Variants in NRXN3 observed in about 807,000 individuals in gnomAD.
NRXN3 encodes neurexin 3.
Under a neutral mutation model 137.6 loss-of-function variants are expected in NRXN3, and 32 were observed. The observed-to-expected ratio is 0.23, with a 90% confidence interval of 0.18 to 0.31. The LOEUF (loss-of-function observed/expected upper bound fraction) is 0.31. NRXN3 is among the 10% of genes least tolerant of loss of function. The probability of loss-of-function intolerance (pLI) is 1.00; values close to 1 mark genes in which losing one functional copy is unlikely to be tolerated. For synonymous variants in NRXN3, 798 were observed against 784.5 expected, an observed-to-expected ratio of 1.02 and a Z score of -0.29; for missense variants, 1,574 against 2,062.5, an observed-to-expected ratio of 0.76 and a Z score of 4.59.
At chr14:79,355,445 G>A (rs893745176) in intron 15 of NRXN3, among the ~76,000 whole-genome samples, 3 of 152,052 alleles carry the variant, frequency 2.0e-5, no homozygotes, top group Non-Finnish European at 2.9e-5. Flanking sequence ...ATTGTTCCTC[G>A]GCTCCGCATT....
chr14:79,496,727 A>G (rs2096771348), intron 16 of NRXN3, among the ~76,000 whole-genome samples: 1 of 152,214 alleles, frequency 6.6e-6, no homozygotes, highest in South Asian at 2.1e-4. Context: ...TTTGTTTACT[A>G]GATTGACTAT....
At chr14:79,794,832 C>T (rs1568277418) in intron 19 of NRXN3, among the ~76,000 whole-genome samples, 1 of 152,190 alleles carries the variant, frequency 6.6e-6, no homozygotes, top group South Asian at 2.1e-4. Flanking sequence ...GCCATTGGGG[C>T]ATCAGGAACA....
At chr14:78,694,428 A>G (rs1186458693) in intron 6 of NRXN3, among the ~76,000 whole-genome samples, 1 of 151,964 alleles carries the variant, frequency 6.6e-6, no homozygotes, top group Non-Finnish European at 1.5e-5. Flanking sequence ...TAGTTGATCA[A>G]TAAGTAGTGT....
intron 15 of NRXN3, among the ~76,000 whole-genome samples, chr14:79,333,223 G>A (rs180858333): frequency 6.6e-6 from 1 of 152,142 alleles, no homozygotes; most frequent in East Asian, 1.9e-4. Context: ...CACACTGGGG[G>A]GATAGAGACT....
chr14:78,759,509 C>T (rs2098683673), intron 8 of NRXN3, among the ~76,000 whole-genome samples: 1 of 152,140 alleles, frequency 6.6e-6, no homozygotes, highest in Non-Finnish European at 1.5e-5. Context: ...TGAGTTCTGT[C>T]ATTCAGTCTT....
rs117241167 is a variant in NRXN3 at position 78,994,184 on chromosome 14, A to G, written c.3262+6043A>G. On this transcript the variant is annotated intron_variant, in intron 15 of 20. Coordinates refer to ENST00000335750, the MANE Select transcript of NRXN3 (RefSeq NM_001330195.2). ...GAAAATTTACAAGTAGGTTCAAAGC[A>G]AACATGGTATGGAAGAGGGCTGGAA... is the stretch of plus-strand genomic sequence containing the variant. 8.8e-3 allele frequency among the ~76,000 whole-genome samples: 1,334 copies of G among 152,176 alleles called. 10 individuals are homozygous for G. Among genetic ancestry groups the G allele is most frequent in the Middle Eastern group, 0.017 (5 of 294 alleles).
chr14:78,600,789 A>G (rs1185913888), intron 4 of NRXN3, among the ~76,000 whole-genome samples: 1 of 152,182 alleles, frequency 6.6e-6, no homozygotes. Context: ...ACAAACATCT[A>G]AACCTGAATT....
intron 4 of NRXN3, among the ~76,000 whole-genome samples, chr14:78,455,882 G>A (rs905948672): frequency 6.6e-6 from 1 of 152,112 alleles, no homozygotes; most frequent in Non-Finnish European, 1.5e-5. Flanking sequence ...CCAAATTCCA[G>A]ACTTTGCTCT....
chr14:79,726,199 C>T (rs2098888169), intron 19 of NRXN3, among the ~76,000 whole-genome samples: 1 of 152,144 alleles, frequency 6.6e-6, no homozygotes, highest in Non-Finnish European at 1.5e-5. Context: ...AATGAAAAGT[C>T]AGTCATGTGA....
rs573988525 is a variant in NRXN3 at position 78,281,051 on chromosome 14, C to T, written c.727+2389C>T. ...GATCTTGTGCTCTTCATTCTTTCCT[C>T]GAAGTGTCAAGGGCTGATTACCAAT... On this transcript the variant is annotated intron_variant, in intron 3 of 20. Coordinates refer to ENST00000335750, the MANE Select transcript of NRXN3 (RefSeq NM_001330195.2). Among the ~76,000 whole-genome samples the T allele has an allele frequency of 2.0e-5, 3 of 152,312 alleles. No homozygotes were observed. In the South Asian group the frequency reaches 6.2e-4, roughly 32 times the overall value.
At chr14:78,572,410 T>C (rs1371659158) in intron 4 of NRXN3, among the ~76,000 whole-genome samples, 1 of 152,218 alleles carries the variant, frequency 6.6e-6, no homozygotes, top group Non-Finnish European at 1.5e-5. Context: ...TGTGTCGAGA[T>C]GCCAGGGCCC....
At chr14:79,169,246 A>C (rs946366942) in intron 15 of NRXN3, among the ~76,000 whole-genome samples, 3 of 152,100 alleles carry the variant, frequency 2.0e-5, no homozygotes, top group African/African-American at 7.2e-5. Flanking sequence ...AGAATGCTAC[A>C]TGCTCCCAGC....
At chr14:78,944,639 G>A (rs1050987343) in intron 10 of NRXN3, among the ~76,000 whole-genome samples, 1 of 152,172 alleles carries the variant, frequency 6.6e-6, no homozygotes, top group Non-Finnish European at 1.5e-5. Context: ...TGTAAGCCAA[G>A]GAATATCAAG....
At chr14:79,094,349 C>G (rs2049832219) in intron 15 of NRXN3, among the ~76,000 whole-genome samples, 1 of 152,162 alleles carries the variant, frequency 6.6e-6, no homozygotes, top group African/African-American at 2.4e-5. Flanking sequence ...GACCACAAAG[C>G]ATAAGCATCC....
rs142952950 is a variant in NRXN3, at chr14:78,799,960, G to A, written c.2045-3660G>A. Among the ~76,000 whole-genome samples, 1,373 of 152,164 alleles carry A rather than the reference G, an allele frequency of 9.0e-3. 7 individuals are homozygous for A. The highest frequency in any genetic ancestry group is 0.011 in the Non-Finnish European group (753 of 68,004). Reference sequence around the variant, plus strand: ...CTACAATTCAAGATGAGGTTGGGGCGGGGACACAGCCAAATCATATCAATA... The same window carrying A: ...CTACAATTCAAGATGAGGTTGGGGCAGGGACACAGCCAAATCATATCAATA... On this transcript the variant is annotated intron_variant, in intron 8 of 20. Transcript: ENST00000335750.
At chr14:78,224,018 C>G (rs1010617637) in intron 1 of NRXN3, among the ~76,000 whole-genome samples, 1 of 152,022 alleles carries the variant, frequency 6.6e-6, no homozygotes, top group African/African-American at 2.4e-5. Context: ...CCGTGGCCAC[C>G]TTATTAGTCT....
chr14:78,833,037 G>T (rs1175153538), intron 10 of NRXN3, among the ~76,000 whole-genome samples: 2 of 152,144 alleles, frequency 1.3e-5, no homozygotes, highest in African/African-American at 2.4e-5. Context: ...CTAGGGGTTG[G>T]AGATAGACTC....
chr14:79,800,292 G>A (rs559091953), intron 19 of NRXN3, among the ~76,000 whole-genome samples: 11 of 152,288 alleles, frequency 7.2e-5, no homozygotes, highest in African/African-American at 2.4e-4. Flanking sequence ...GAGGAGCGTG[G>A]ATGGTGGACA....
At chr14:79,330,990 A>G (rs891479864) in intron 15 of NRXN3, among the ~76,000 whole-genome samples, 1 of 152,190 alleles carries the variant, frequency 6.6e-6, no homozygotes, top group Admixed American at 6.5e-5. Flanking sequence ...TATTTTGGCT[A>G]AACGAGTATG....
Sources: allele counts gnomAD v4.1 joint callset (sites outside exome capture counted in the v4.1 genomes callset), GRCh38; gene constraint gnomAD v4.1.1; transcripts MANE v1.5; gene names NCBI Gene and HGNC (gene_info 2026-07-23, HGNC 2026-07-21).